Variants in WWOX observed in about 807,000 individuals in gnomAD.
The protein encoded by WWOX is WW domain containing oxidoreductase.
A neutral mutation model predicts 46.2 loss-of-function variants in WWOX; 69 were observed. That is an observed-to-expected ratio of 1.49 (90% confidence interval 1.23 to 1.82). WWOX has a LOEUF of 1.82. Among genes scored for constraint, WWOX ranks in the 40% most tolerant of loss-of-function variants. The pLI is 0.00. For synonymous variants in WWOX, 359 were observed against 202.6 expected (o/e 1.77, Z -6.56); for missense variants, 919 against 542.6 (o/e 1.69, Z -6.89).
intron 8 of WWOX, among the ~76,000 whole-genome samples, chr16:79,108,245 C>G (rs943833512): frequency 1.3e-5 from 2 of 152,242 alleles, no homozygotes; most frequent in Non-Finnish European, 2.9e-5. Flanking sequence ...CTCTTACAAG[C>G]AAGACTATAT....
At chr16:78,853,962 G>A (rs953846368) in intron 8 of WWOX, among the ~76,000 whole-genome samples, 3 of 152,008 alleles carry the variant, frequency 2.0e-5, no homozygotes, top group African/African-American at 7.3e-5. Flanking sequence ...ATTTCTGAAG[G>A]AATTTCCAGA....
intron 8 of WWOX, among the ~76,000 whole-genome samples, chr16:78,769,685 A>G (rs946929568): frequency 2.0e-5 from 3 of 151,346 alleles, no homozygotes; most frequent in South Asian, 2.1e-4. Context: ...TATTAGCTAC[A>G]ACAGGGTTTT....
chr16:79,068,371 G>A (rs1276499661), intron 8 of WWOX, among the ~76,000 whole-genome samples: 3 of 152,150 alleles, frequency 2.0e-5, no homozygotes, highest in Non-Finnish European at 4.4e-5. Flanking sequence ...TTGTTCAGTG[G>A]TAAGGTGCAG....
At chr16:78,992,645 G>T (rs1276907504) in intron 8 of WWOX, among the ~76,000 whole-genome samples, 1 of 152,104 alleles carries the variant, frequency 6.6e-6, no homozygotes, top group East Asian at 1.9e-4. Context: ...CCATCTTAAT[G>T]TCTGTTGTGG....
At chr16:78,685,701 C>T (rs1335439081) in intron 8 of WWOX, among the ~76,000 whole-genome samples, 1 of 152,192 alleles carries the variant, frequency 6.6e-6, no homozygotes, top group African/African-American at 2.4e-5. Flanking sequence ...GAACTCCTGT[C>T]CTCCCTCTTT....
chr16:78,877,389 C>G (rs371609557), intron 8 of WWOX, among the ~76,000 whole-genome samples: 1 of 152,032 alleles, frequency 6.6e-6, no homozygotes, highest in Non-Finnish European at 1.5e-5. Flanking sequence ...GTCTCAGACG[C>G]TTTGCCTTTG....
intron 5 of WWOX, among the ~76,000 whole-genome samples, chr16:78,317,401 C>G (rs147295743): frequency 6.6e-6 from 1 of 152,254 alleles, no homozygotes; most frequent in Non-Finnish European, 1.5e-5. Context: ...CTGCATCTAG[C>G]AGATAGATGC....
rs142059186 is a variant in WWOX, at chr16:78,613,812, G to A, written c.1056+181060G>A. On this transcript the variant is annotated intron_variant, in intron 8 of 8. Transcript: ENST00000566780. ...GGGGCCGGATGTGTTTCAGAATTCAGAAGTTTTCAAATTTTAAGAAGAGAA... is the reference window on the plus strand; with the variant it reads ...GGGGCCGGATGTGTTTCAGAATTCAAAAGTTTTCAAATTTTAAGAAGAGAA... Among the ~76,000 whole-genome samples, 410 of 152,296 alleles carry A rather than the reference G, an allele frequency of 2.7e-3. 2 individuals are homozygous for A. The highest frequency in any genetic ancestry group is 9.3e-3 in the African/African-American group (387 of 41,564).
chr16:78,266,476 C>T (rs1461204704), intron 5 of WWOX, among the ~76,000 whole-genome samples: 1 of 152,148 alleles, frequency 6.6e-6, no homozygotes, highest in Non-Finnish European at 1.5e-5. Flanking sequence ...CCCCTACTAT[C>T]ATCTCCACGT....
intron 8 of WWOX, among the ~76,000 whole-genome samples, chr16:79,126,540 C>T (rs1380345608): frequency 6.6e-6 from 1 of 152,152 alleles, no homozygotes; most frequent in Non-Finnish European, 1.5e-5. Context: ...GTTCTTGCTT[C>T]CCCTTCGTCT....
At chr16:78,921,243 C>A (rs7200433) in intron 8 of WWOX, among the ~76,000 whole-genome samples, 1 of 151,982 alleles carries the variant, frequency 6.6e-6, no homozygotes, top group African/African-American at 2.4e-5. Flanking sequence ...GCCTCGAAAC[C>A]GCACTGTGCC....
chr16:79,057,179 G>A (rs965452983), intron 8 of WWOX, among the ~76,000 whole-genome samples: 5 of 152,228 alleles, frequency 3.3e-5, no homozygotes, highest in African/African-American at 4.8e-5. Context: ...GTGAAGTGGC[G>A]TTATAGTTCT....
chr16:79,172,745 G>T (rs757894969), intron 8 of WWOX, among the ~76,000 whole-genome samples: 1 of 152,136 alleles, frequency 6.6e-6, no homozygotes, highest in Non-Finnish European at 1.5e-5. Context: ...TGCCTTCACG[G>T]CCAGTTATGG....
At chr16:78,385,400 A>G (rs139053494) in intron 5 of WWOX, among the ~76,000 whole-genome samples, 2 of 152,340 alleles carry the variant, frequency 1.3e-5, no homozygotes, top group African/African-American at 4.8e-5. Context: ...TGTCTTCCAG[A>G]CAGGATGTTA....
At chr16:78,805,313 C>T (rs1011820293) in intron 8 of WWOX, among the ~76,000 whole-genome samples, 1 of 152,128 alleles carries the variant, frequency 6.6e-6, no homozygotes, top group Non-Finnish European at 1.5e-5. Context: ...AGTGCAGTGG[C>T]GCCATCTCAG....
chr16:78,643,758 A>G (rs890848439), intron 8 of WWOX, among the ~76,000 whole-genome samples: 14 of 151,804 alleles, frequency 9.2e-5, no homozygotes, highest in African/African-American at 2.7e-4. Context: ...TTGTGCCTGT[A>G]GAGTTTATTC....
At chr16:78,134,980 G>C (rs751798764) in intron 4 of WWOX, among the ~76,000 whole-genome samples, 1 of 152,204 alleles carries the variant, frequency 6.6e-6, no homozygotes, top group Non-Finnish European at 1.5e-5. Context: ...CAGTGAGAAC[G>C]GGAGAGGGCA....
intron 5 of WWOX, among the ~76,000 whole-genome samples, chr16:78,244,457 A>T (rs530474956): frequency 6.6e-6 from 1 of 152,188 alleles, no homozygotes; most frequent in Non-Finnish European, 1.5e-5. Flanking sequence ...AAGTATCTGG[A>T]ATAGGATTCC....
At chr16:79,198,747 A>G (rs2051289894) in intron 8 of WWOX, among the ~76,000 whole-genome samples, 1 of 152,232 alleles carries the variant, frequency 6.6e-6, no homozygotes, top group African/African-American at 2.4e-5. Flanking sequence ...CACATTGGTT[A>G]GATGGAAATA....
Sources: allele counts gnomAD v4.1 joint callset (sites outside exome capture counted in the v4.1 genomes callset), GRCh38; gene constraint gnomAD v4.1.1; transcripts MANE v1.5; gene names NCBI Gene and HGNC (gene_info 2026-07-23, HGNC 2026-07-21).